HOMER1: variants seen among roughly 807,000 people sequenced by gnomAD.
The protein encoded by HOMER1 is homer scaffold protein 1, also known as homer protein homolog 1.
A neutral mutation model predicts 48.9 loss-of-function variants in HOMER1; 3 were observed. That is an observed-to-expected ratio of 0.06 (90% CI 0.03 to 0.16). The LOEUF is 0.16. HOMER1 is among the 10% of genes least tolerant of loss of function. The pLI is 1.00. For synonymous variants in HOMER1, 134 were observed against 146.4 expected (o/e 0.92, Z 0.61); for missense variants, 247 against 411.4 (o/e 0.60, Z 3.46).
chr5:79,389,074 C>T (rs1024688116), intron 8 of HOMER1, among the ~76,000 whole-genome samples: 1 of 152,026 alleles, frequency 6.6e-6, no homozygotes, highest in African/African-American at 2.4e-5. Context: ...GAAAAATCCT[C>T]AGGGCACACA....
chr5:79,407,316 C>G (rs1387972122), intron 5 of HOMER1, among the ~76,000 whole-genome samples: 1 of 147,722 alleles, frequency 6.8e-6, no homozygotes. Context: ...TATCAAAAAG[C>G]AAGAAAAAAA....
chr5:79,416,111 T>C (rs923323578), intron 5 of HOMER1, among the ~76,000 whole-genome samples: 13 of 152,174 alleles, frequency 8.5e-5, no homozygotes, highest in Non-Finnish European at 1.9e-4. Flanking sequence ...GCCGAAAAGA[T>C]TTAACATTAA....
At chr5:79,461,430 C>T (rs923404737) in intron 1 of HOMER1, among the ~76,000 whole-genome samples, 2 of 152,154 alleles carry the variant, frequency 1.3e-5, no homozygotes, top group African/African-American at 2.4e-5. Context: ...CAGCATTTCC[C>T]GAAGTGTGTT....
chr5:79,485,907 C>T (rs1036920938), intron 1 of HOMER1, among the ~76,000 whole-genome samples: 1 of 152,156 alleles, frequency 6.6e-6, no homozygotes, highest in African/African-American at 2.4e-5. Flanking sequence ...TGCTCTCTCC[C>T]CTTAAGCCTG....
At chr5:79,510,834 T>A in intron 1 of HOMER1, 1 of 725,264 alleles carries the variant, frequency 1.4e-6, no homozygotes, top group Non-Finnish European at 2.5e-6. Context: ...AGGCTGCAGC[T>A]CCAGCTTCAG....
chr5:79,396,520 T>C (rs1176292800), intron 8 of HOMER1, among the ~76,000 whole-genome samples: 1 of 151,996 alleles, frequency 6.6e-6, no homozygotes, highest in Non-Finnish European at 1.5e-5. Flanking sequence ...GTGCTGAAAT[T>C]ACAAGTATGA....
At chr5:79,387,069 TTCTCTATCTCTC>T (rs1273761997) in intron 8 of HOMER1, among the ~76,000 whole-genome samples, 12 of 132,266 alleles carry the variant, frequency 9.1e-5, no homozygotes, top group African/African-American at 1.3e-4. Context: ...TTTCCTTTCT[TTCTCTATCTCTC>T]TCTCTCTCTC....
At chr5:79,385,170 A>T (rs1300057827) in intron 8 of HOMER1, among the ~76,000 whole-genome samples, 2 of 151,894 alleles carry the variant, frequency 1.3e-5, no homozygotes, top group East Asian at 1.9e-4. Context: ...AGAAAACTTT[A>T]AAAAAAACAC....
chr5:79,457,057 C>A, intron 1 of HOMER1, 39 bp from the exon 2 acceptor site: 1 of 1,600,720 alleles, frequency 6.2e-7, no homozygotes, highest in South Asian at 1.1e-5. Context: ...TGAAAGCAGC[C>A]AGTTTTATTT....
intron 5 of HOMER1, among the ~76,000 whole-genome samples, chr5:79,409,133 T>C (rs1749747725): frequency 7.1e-6 from 1 of 140,416 alleles, no homozygotes; most frequent in Non-Finnish European, 1.5e-5. Context: ...TGGTTCAACA[T>C]ACAAAAATCA....
At chr5:79,500,953 G>GTGTGTGTGTGTGTGAGAC (rs1491130611) in intron 1 of HOMER1, among the ~76,000 whole-genome samples, 1 of 113,756 alleles carries the variant, frequency 8.8e-6, no homozygotes, top group East Asian at 4.4e-4. Flanking sequence ...GTGTGTGTGT[G>GTGTGTGTGTGTGTGAGAC]AGACAGACAG....
At chr5:79,504,237 A>G (rs573173368) in intron 1 of HOMER1, among the ~76,000 whole-genome samples, 1 of 152,296 alleles carries the variant, frequency 6.6e-6, no homozygotes, top group East Asian at 1.9e-4. Flanking sequence ...TAATGTATAC[A>G]GAACCCTGGC....
At chr5:79,511,274 G>A (rs1165120175) in intron 1 of HOMER1, among the ~76,000 whole-genome samples, 1 of 151,860 alleles carries the variant, frequency 6.6e-6, no homozygotes, top group Non-Finnish European at 1.5e-5. Context: ...ATTTAAAATT[G>A]GTGCAATTCA....
At chr5:79,486,242 T>A (rs147815802) in intron 1 of HOMER1, among the ~76,000 whole-genome samples, 24 of 152,334 alleles carry the variant, frequency 1.6e-4, no homozygotes, top group Admixed American at 1.5e-3. Flanking sequence ...GAGCTCTCTC[T>A]CACAAACTCT....
chr5:79,424,058 T>A (rs1253771129), intron 5 of HOMER1, among the ~76,000 whole-genome samples: 1 of 152,098 alleles, frequency 6.6e-6, no homozygotes, highest in East Asian at 1.9e-4. Context: ...AAATGGGAAC[T>A]GGTACAAGAA....
At chr5:79,432,807 G>A (rs1440838568) in intron 5 of HOMER1, among the ~76,000 whole-genome samples, 2 of 151,720 alleles carry the variant, frequency 1.3e-5, no homozygotes, top group Admixed American at 6.6e-5. Context: ...AATTACTACC[G>A]TACTTCTTGT....
At chr5:79,453,054 A>G (rs1383984691) in intron 2 of HOMER1, among the ~76,000 whole-genome samples, 1 of 152,222 alleles carries the variant, frequency 6.6e-6, no homozygotes, top group African/African-American at 2.4e-5. Flanking sequence ...TACAACAATA[A>G]GAGGGGCAAT....
intron 1 of HOMER1, among the ~76,000 whole-genome samples, chr5:79,460,507 C>G (rs1285515552): frequency 6.6e-6 from 1 of 152,138 alleles, no homozygotes; most frequent in Non-Finnish European, 1.5e-5. Flanking sequence ...TAGTCAGAAC[C>G]TTACTAAAGA....
At chr5:79,438,087 T>A (rs1183022905) in intron 5 of HOMER1, among the ~76,000 whole-genome samples, 1 of 152,194 alleles carries the variant, frequency 6.6e-6, no homozygotes, top group Non-Finnish European at 1.5e-5. Context: ...CAAATTTCAA[T>A]CAAAATAAAA....
Sources: allele counts gnomAD v4.1 joint callset (sites outside exome capture counted in the v4.1 genomes callset), GRCh38; gene constraint gnomAD v4.1.1; transcripts MANE v1.5; gene names NCBI Gene and HGNC (gene_info 2026-07-23, HGNC 2026-07-21).